Variants in FAM240C observed in about 807,000 individuals in gnomAD.
The protein encoded by FAM240C is family with sequence similarity 240 member C.
FAM240C carries 14 observed loss-of-function variants against 10.0 expected under a neutral mutation model. That is an observed-to-expected ratio of 1.40 (90% CI 0.92 to 2.19). FAM240C has a LOEUF of 2.19. FAM240C is among the 30% of genes most tolerant of loss of function. The pLI, the probability that FAM240C is intolerant of heterozygous loss-of-function variation, is 0.00. For synonymous variants in FAM240C, 49 were observed against 44.3 expected (o/e 1.11, Z -0.42); for missense variants, 154 against 122.3 (o/e 1.26, Z -1.22).
chr2:241,901,674 G>A (rs1701986984), upstream of FAM240C, among the ~76,000 whole-genome samples: 2 of 152,194 alleles, frequency 1.3e-5, no homozygotes, highest in Admixed American at 6.5e-5. The surrounding 1 kb of genome is among the most constrained non-coding windows in gnomAD (Gnocchi z 4.9). Context: ...AGGCAGCGCG[G>A]GTGGAAGACG....
upstream of FAM240C, among the ~76,000 whole-genome samples, chr2:241,901,186 A>G (rs1701974235): frequency 6.6e-6 from 1 of 152,084 alleles, no homozygotes; most frequent in South Asian, 2.1e-4. This position sits in a 1 kb window ranked among gnomAD's most constrained non-coding sequence, Gnocchi z 4.9. Context: ...GCACCCAGAA[A>G]CACTGTCCCA....
chr2:241,896,968 A>T (rs1701858989), intron 2 of FAM240C, among the ~76,000 whole-genome samples: 1 of 151,760 alleles, frequency 6.6e-6, no homozygotes, highest in Admixed American at 6.6e-5. Flanking sequence ...GTGTCTTGTC[A>T]TTTCCCACCT....
chr2:241,899,175 GGTGCTGGGGA>G, intron 1 of FAM240C: 1 of 1,304,184 alleles, frequency 7.7e-7, no homozygotes, highest in South Asian at 1.2e-5. Context: ...GCAATGAACA[GGTGCTGGGGA>G]CTCCTTCGAG....
At position 241,900,210 on chromosome 2, in the gene FAM240C, T is replaced by G; in HGVS notation, c.12+148A>C. 2 of 627,478 alleles carry G rather than the reference T, an allele frequency of 3.2e-6. No individual in the cohort carries two copies. The highest frequency in any genetic ancestry group is 3.7e-5 in the South Asian group (2 of 53,448). 38.9% of individuals were successfully genotyped at this position (627,478 alleles called of 1,614,324 possible). ...AGGAATCCCAGTGGGAAAACAAAAT[T>G]ACAAAGTTCAGTTCCCCCAGCGAAA... On this transcript the variant is annotated intron_variant, in intron 1 of 2. Coordinates refer to ENST00000404031, the MANE Select transcript of FAM240C (RefSeq NM_001382368.1). This position sits in a 1 kb window ranked among gnomAD's most constrained non-coding sequence, Gnocchi z 4.5.
intron 2 of FAM240C, 137 bp downstream of exon 2, chr2:241,897,049 G>A (rs1451901436): frequency 3.3e-6 from 3 of 910,438 alleles, no homozygotes; most frequent in African/African-American, 1.7e-5. Context: ...TCCTTTCACA[G>A]GCCTGGAGCT....
upstream of FAM240C, among the ~76,000 whole-genome samples, chr2:241,902,317 TGCCGCCTCCCCTCCGCC>T (rs1369992272): frequency 0.076 from 4,035 of 52,764 alleles, 316 homozygotes; most frequent in Middle Eastern, 0.18. The surrounding 1 kb of genome is among the most constrained non-coding windows in gnomAD (Gnocchi z 7.1). Flanking sequence ...GAGTCCCGCC[TGCCGCCTCCCCTCCGCC>T]GCCGCCTCCC....
intron 1 of FAM240C, chr2:241,899,241 C>T (rs776425154): frequency 1.1e-5 from 14 of 1,302,466 alleles, no homozygotes; most frequent in South Asian, 1.2e-5. Flanking sequence ...TGCAGAGGCG[C>T]GGGCGCTGTG....
chr2:241,897,260 C>T lies in FAM240C; in HGVS notation c.87G>A (p.Trp29Ter). 2 of 1,549,896 alleles carry T rather than the reference C, an allele frequency of 1.3e-6. No individual in the cohort carries two copies. Among genetic ancestry groups the T allele is most frequent in the South Asian group, 2.4e-5 (2 of 84,058 alleles). ...AYDSGGIKMF[W>*]EKKIEHHARH... is the part of the protein sequence containing the mutation. The stretch of plus-strand genomic sequence containing the variant: ...TTGCGTGATGCTCGATTTTTTTCTC[C>T]CAAAACATCTTTATCCCGCCTGAAT... The change falls in exon 2 of 3, where the codon TGG becomes TGA. Residue 29 changes from tryptophan to a stop codon, truncating the protein, a stop_gained. Transcript: ENST00000404031. LOFTEE classifies it high-confidence loss of function.
chr2:241,896,657 A>G (rs199771504), intron 2 of FAM240C, among the ~76,000 whole-genome samples: 446 of 2,846 alleles, frequency 0.16, 18 homozygotes, highest in East Asian at 0.32. Flanking sequence ...GTGTGGGTGA[A>G]GGGGTGTGGG....
upstream of FAM240C, among the ~76,000 whole-genome samples, chr2:241,901,332 C>T (rs1303704014): frequency 4.6e-5 from 7 of 152,358 alleles, no homozygotes; most frequent in Non-Finnish European, 7.3e-5. This position sits in a 1 kb window ranked among gnomAD's most constrained non-coding sequence, Gnocchi z 4.9. Context: ...GGCCAGCCTC[C>T]GTGATCTCGT....
chr2:241,897,427 C>T (rs1701878788), intron 1 of FAM240C, 93 bp from the exon 2 acceptor site: 1 of 1,431,256 alleles, frequency 7.0e-7, no homozygotes, highest in African/African-American at 1.4e-5. Flanking sequence ...GAGGAGCTGG[C>T]TCAGCCTGCA....
intron 1 of FAM240C, among the ~76,000 whole-genome samples, chr2:241,898,826 C>T (rs995715745): frequency 6.6e-6 from 1 of 152,154 alleles, no homozygotes; most frequent in African/African-American, 2.4e-5. Flanking sequence ...CGGTGGGTCT[C>T]GGAATGAATG....
At position 241,900,221 on chromosome 2, in the gene FAM240C, G is replaced by C. The variant is rs1003195077; in HGVS notation, c.12+137C>G. 2 of 645,758 alleles carry C rather than the reference G, an allele frequency of 3.1e-6. No homozygotes were observed. The highest frequency in any genetic ancestry group is 5.8e-6 in the Non-Finnish European group (2 of 345,022). 40.0% of individuals were successfully genotyped at this position (645,758 alleles called of 1,614,324 possible). On this transcript the variant is annotated intron_variant, in intron 1 of 2. Transcript: ENST00000404031. This position sits in a 1 kb window ranked among gnomAD's most constrained non-coding sequence, Gnocchi z 4.5. ...TGGGAAAACAAAATTACAAAGTTCA[G>C]TTCCCCCAGCGAAATGCGGGTGGGC...
In FAM240C at chr2:241,894,155, G is replaced by A; in HGVS notation, c.*58C>T. 1.3e-6 allele frequency: 2 copies of A among 1,516,126 alleles called. No individual in the cohort carries two copies. The highest frequency in any genetic ancestry group is 1.8e-6 in the Non-Finnish European group (2 of 1,122,122). The allele number at this position is 1,516,126 out of a possible 1,614,324, so 93.9% of individuals were successfully genotyped here. ...GCGTGGATGCTTGGACCCCACGCGTGGTGTTCCTTCTCCATGACCCTCCGG... is the reference window on the plus strand; with the variant it reads ...GCGTGGATGCTTGGACCCCACGCGTAGTGTTCCTTCTCCATGACCCTCCGG... On this transcript the variant is annotated 3_prime_UTR_variant, in exon 3 of 3. Coordinates refer to ENST00000404031, the MANE Select transcript of FAM240C (RefSeq NM_001382368.1).
intron 1 of FAM240C, chr2:241,899,060 G>A: frequency 1.7e-6 from 2 of 1,204,302 alleles, no homozygotes; most frequent in Non-Finnish European, 2.2e-6. Flanking sequence ...AGCGCGGCCC[G>A]AGAGGAAAAC....
At chr2:241,897,154 G>T in intron 2 of FAM240C, 32 bp downstream of exon 2, 3 of 1,546,158 alleles carry the variant, frequency 1.9e-6, no homozygotes, top group South Asian at 1.2e-5. Context: ...TCAGGCATAG[G>T]GGTCCCCGAT....
intron 2 of FAM240C, among the ~76,000 whole-genome samples, chr2:241,896,383 G>A (rs922108118): frequency 6.6e-6 from 1 of 152,102 alleles, no homozygotes; most frequent in African/African-American, 2.4e-5. Flanking sequence ...GTACAGATAC[G>A]TCACTCAAGG....
At chr2:241,894,635 C>G (rs186926782) in intron 2 of FAM240C, among the ~76,000 whole-genome samples, 1 of 150,074 alleles carries the variant, frequency 6.7e-6, no homozygotes, top group South Asian at 2.1e-4. Flanking sequence ...ATGCCTTCCC[C>G]GGGAAGCAGC....
chr2:241,896,573 GGGGGTGTGGGTGTTGGGGTGTGGGTGAA>G (rs1701816075), intron 2 of FAM240C, among the ~76,000 whole-genome samples: 3 of 18,806 alleles, frequency 1.6e-4, no homozygotes, highest in East Asian at 2.5e-3. Flanking sequence ...GTGTGGGTGT[GGGGGTGTGGGTGTTGGGGTGTGGGTGAA>G]GGGGTGTGGG....
Sources: allele counts gnomAD v4.1 joint callset (sites outside exome capture counted in the v4.1 genomes callset), GRCh38; gene constraint gnomAD v4.1.1; non-coding constraint Gnocchi (gnomAD v3.1); transcripts MANE v1.5; gene names NCBI Gene and HGNC (gene_info 2026-07-23, HGNC 2026-07-21).